WWC2: variants seen among roughly 807,000 people sequenced by gnomAD.
WWC2 encodes WW and C2 domain containing 2.
In WWC2, 101 loss-of-function variants were observed where a neutral mutation model predicts 138.5. The ratio of observed to expected loss-of-function variants is 0.73; its 90% CI spans 0.62 to 0.86. The LOEUF is 0.86. Ranked by LOEUF, WWC2 falls within the 40% of genes least tolerant of loss-of-function variation. The pLI is 0.00. For missense variants in WWC2, 1,420 were observed against 1,419.4 expected, an observed-to-expected ratio of 1.00 and a Z score of -0.01; for synonymous variants, 558 against 538.4, an observed-to-expected ratio of 1.04 and a Z score of -0.50.
At chr4:183,216,278 C>G (rs1359570633) in intron 4 of WWC2, among the ~76,000 whole-genome samples, 1 of 152,152 alleles carries the variant, frequency 6.6e-6, no homozygotes, top group Non-Finnish European at 1.5e-5. Context: ...CTCTCAGCTT[C>G]TACTTAATGA....
intron 1 of WWC2, among the ~76,000 whole-genome samples, chr4:183,118,330 C>G (rs1260392794): frequency 6.6e-6 from 1 of 152,198 alleles, no homozygotes; most frequent in Non-Finnish European, 1.5e-5. Context: ...CAGGCAGTCA[C>G]TAAACTATGG....
At chr4:183,168,067 A>T (rs7689906) in intron 1 of WWC2, among the ~76,000 whole-genome samples, 1 of 152,000 alleles carries the variant, frequency 6.6e-6, no homozygotes, top group Admixed American at 6.5e-5. Flanking sequence ...CATGTTGGCC[A>T]GGATGGTCTC....
intron 4 of WWC2, among the ~76,000 whole-genome samples, chr4:183,211,535 C>T (rs1240130993): frequency 6.6e-6 from 1 of 152,128 alleles, no homozygotes; most frequent in Non-Finnish European, 1.5e-5. Context: ...CAGTCCTTCT[C>T]TAAGGGCGGG....
rs185332458 is a variant in WWC2, at chr4:183,122,113, T to G, written c.131+22491T>G. ...AAGCATTTTTTTTCTGTGAACTAGA[T>G]TTCATATTCTTTGCTCTTTATTTTT... On this transcript the variant is annotated intron_variant, in intron 1 of 22. Coordinates refer to ENST00000403733, the MANE Select transcript of WWC2 (RefSeq NM_024949.6). Among the ~76,000 whole-genome samples the G allele has an allele frequency of 3.1e-4, 47 of 152,212 alleles. No individual in the cohort carries two copies. In the East Asian group the frequency reaches 6.8e-3, roughly 22 times the overall value.
At chr4:183,173,613 A>T (rs552281860) in intron 1 of WWC2, among the ~76,000 whole-genome samples, 4 of 151,766 alleles carry the variant, frequency 2.6e-5, no homozygotes, top group Admixed American at 2.0e-4. Context: ...TGACCAGTGG[A>T]TTGCAAGCAG....
At chr4:183,303,589 C>T (rs762506522) in intron 21 of WWC2, among the ~76,000 whole-genome samples, 25 of 152,168 alleles carry the variant, frequency 1.6e-4, no homozygotes, top group Non-Finnish European at 3.2e-4. Context: ...ACAAGTAGCA[C>T]ATTCACAATT....
Position 183,169,484 on chromosome 4 carries a change from A to C in WWC2, c.132-24115A>C, listed in dbSNP as rs192247302. Among the ~76,000 whole-genome samples, 3 of 152,232 alleles carry C rather than the reference A, an allele frequency of 2.0e-5. No individual in the cohort carries two copies. The East Asian group carries it at 5.8e-4, about 29-fold the overall frequency. ...GAAGTGGAGTCTCACCATGTTGCCA[A>C]ACTATTCTTGAACTCCTGGCCTCAA... On this transcript the variant is annotated intron_variant, in intron 1 of 22. Transcript: ENST00000403733.
At chr4:183,217,903 C>G (rs947018501) in intron 4 of WWC2, among the ~76,000 whole-genome samples, 1 of 151,564 alleles carries the variant, frequency 6.6e-6, no homozygotes, top group South Asian at 2.1e-4. Context: ...ATAGGAAATT[C>G]AACAAACCCA....
At chr4:183,231,749 C>G (rs1335336760) in intron 4 of WWC2, among the ~76,000 whole-genome samples, 1 of 152,110 alleles carries the variant, frequency 6.6e-6, no homozygotes, top group Non-Finnish European at 1.5e-5. Context: ...ACTCAAACTT[C>G]TGGGCTCAAG....
At chr4:183,189,592 A>G (rs530491286) in intron 1 of WWC2, among the ~76,000 whole-genome samples, 44 of 152,314 alleles carry the variant, frequency 2.9e-4, no homozygotes, top group African/African-American at 1.1e-3. Flanking sequence ...TCTTAGAGCA[A>G]TTCAGTGATG....
Position 183,205,869 on chromosome 4 carries a change from C to T in WWC2, c.242-2084C>T, listed in dbSNP as rs140938909. Reference sequence around the variant, plus strand: ...GCTCGGGGAATTTATCTGCCTATAGCGTCCCAGTTGTCCTTTGCCTGGCCT... The same window carrying T: ...GCTCGGGGAATTTATCTGCCTATAGTGTCCCAGTTGTCCTTTGCCTGGCCT... On this transcript the variant is annotated intron_variant, in intron 2 of 22. Coordinates refer to ENST00000403733, the MANE Select transcript of WWC2 (RefSeq NM_024949.6). Among the ~76,000 whole-genome samples, 478 of 152,172 alleles carry T rather than the reference C, an allele frequency of 3.1e-3. 3 individuals are homozygous for T. The highest frequency in any genetic ancestry group is 0.011 in the African/African-American group (448 of 41,520).
At chr4:183,154,237 C>G (rs1224987584) in intron 1 of WWC2, among the ~76,000 whole-genome samples, 2 of 152,152 alleles carry the variant, frequency 1.3e-5, no homozygotes, top group Non-Finnish European at 2.9e-5. Context: ...CTGCCTTTCA[C>G]TGGCTGTGTG....
chr4:183,282,641 T>A (rs1261635435), intron 17 of WWC2, 67 bp from the exon 18 acceptor site: 3 of 1,454,018 alleles, frequency 2.1e-6, no homozygotes, highest in Non-Finnish European at 2.8e-6. Flanking sequence ...CAACTTAGCA[T>A]GCCCAGGTTG....
At position 183,099,301 on chromosome 4, in the gene WWC2, C is replaced by A; in HGVS notation, c.-191C>A. ...GACGCAGACATGGTGGACTGATCCG[C>A]AGCGGGGCCGCGAACAGCGTTTCCT... On this transcript the variant is annotated 5_prime_UTR_variant, in exon 1 of 23. Transcript: ENST00000403733. 1 of 393,942 alleles carries A rather than the reference C, an allele frequency of 2.5e-6. No homozygotes were observed. The highest frequency in any genetic ancestry group is 3.8e-6 in the Non-Finnish European group (1 of 261,644). 24.4% of individuals were successfully genotyped at this position (393,942 alleles called of 1,614,324 possible). A position where few individuals can be genotyped will look rare whatever the true frequency, so the allele number is the denominator to read the frequency against.
chr4:183,109,403 C>A (rs1732155260), intron 1 of WWC2, among the ~76,000 whole-genome samples: 2 of 152,130 alleles, frequency 1.3e-5, no homozygotes, highest in Admixed American at 1.3e-4. Context: ...TTCTTTTATG[C>A]CAGCAGTCCC....
At chr4:183,264,476 G>T (rs1737429389) in intron 11 of WWC2, among the ~76,000 whole-genome samples, 1 of 152,188 alleles carries the variant, frequency 6.6e-6, no homozygotes, top group Admixed American at 6.5e-5. Context: ...GAGTTCCTGT[G>T]AGTCAAAGAC....
At chr4:183,118,169 A>G (rs2152889354) in intron 1 of WWC2, among the ~76,000 whole-genome samples, 1 of 152,304 alleles carries the variant, frequency 6.6e-6, no homozygotes, top group Non-Finnish European at 1.5e-5. Context: ...AGTTTCTTTC[A>G]GTCGATTGCC....
At chr4:183,226,390 G>A (rs1357758571) in intron 4 of WWC2, among the ~76,000 whole-genome samples, 2 of 151,744 alleles carry the variant, frequency 1.3e-5, no homozygotes, top group Non-Finnish European at 2.9e-5. Flanking sequence ...TATAATGCAT[G>A]GGTTAACAAA....
chr4:183,143,321 T>C (rs1361372394), intron 1 of WWC2, among the ~76,000 whole-genome samples: 1 of 152,150 alleles, frequency 6.6e-6, no homozygotes, highest in Non-Finnish European at 1.5e-5. Context: ...ATTCCAGTCA[T>C]GGCATCTGCT....
Sources: gnomAD v4.1 joint callset for allele counts (sites outside exome capture counted in the v4.1 genomes callset) on GRCh38, gnomAD v4.1.1 for gene constraint, MANE v1.5 for transcripts, NCBI Gene and HGNC (gene_info 2026-07-23, HGNC 2026-07-21) for gene names.